NCAM2: variants seen among roughly 807,000 people sequenced by gnomAD.
NCAM2 encodes N-CAM-2.
A neutral mutation model predicts 98.1 loss-of-function variants in NCAM2; 30 were observed. That is an observed-to-expected ratio of 0.31 (90% confidence interval 0.23 to 0.41). The LOEUF (loss-of-function observed/expected upper bound fraction) is 0.41. Among genes scored for constraint, NCAM2 ranks in the 10% least tolerant of loss-of-function variants. The pLI is 1.00. For synonymous variants in NCAM2, 368 were observed against 342.4 expected (o/e 1.07, Z -0.83); for missense variants, 867 against 1,005.8 (o/e 0.86, Z 1.87).
At chr21:21,076,674 G>C (rs1401348290) in intron 1 of NCAM2, among the ~76,000 whole-genome samples, 1 of 152,084 alleles carries the variant, frequency 6.6e-6, no homozygotes, top group African/African-American at 2.4e-5. Context: ...ACGAAGTTTA[G>C]TTTGTAGCAT....
chr21:21,017,047 A>T (rs909276520), intron 1 of NCAM2, among the ~76,000 whole-genome samples: 1 of 152,178 alleles, frequency 6.6e-6, no homozygotes, highest in African/African-American at 2.4e-5. Context: ...TCTTTTCAAG[A>T]GTATGTAGGA....
intron 1 of NCAM2, among the ~76,000 whole-genome samples, chr21:21,007,525 G>T (rs753800890): frequency 3.9e-5 from 6 of 152,164 alleles, no homozygotes; most frequent in Non-Finnish European, 8.8e-5. Context: ...GATCATTCAT[G>T]AATTTTCTGG....
chr21:21,525,218 G>A (rs1465141131), intron 16 of NCAM2, among the ~76,000 whole-genome samples: 1 of 151,922 alleles, frequency 6.6e-6, no homozygotes, highest in Non-Finnish European at 1.5e-5. Flanking sequence ...ACTGAAAGCT[G>A]GTTCTTTTAA....
intron 12 of NCAM2, among the ~76,000 whole-genome samples, chr21:21,461,000 G>A (rs1982893550): frequency 1.3e-5 from 2 of 151,756 alleles, no homozygotes; most frequent in African/African-American, 2.4e-5. Flanking sequence ...AGGGAAGTTA[G>A]CAATTTTGTG....
chr21:21,303,059 G>A (rs765153015), intron 5 of NCAM2, among the ~76,000 whole-genome samples: 20 of 152,078 alleles, frequency 1.3e-4, no homozygotes, highest in Non-Finnish European at 1.6e-4. Context: ...GAACACACAT[G>A]AACCTCCGCA....
intron 12 of NCAM2, among the ~76,000 whole-genome samples, chr21:21,438,700 C>T (rs928457687): frequency 6.6e-6 from 1 of 152,134 alleles, no homozygotes; most frequent in Non-Finnish European, 1.5e-5. Context: ...ATACACCTCA[C>T]TGGCCACTTA....
At chr21:21,349,877 T>A (rs776218570) in intron 8 of NCAM2, among the ~76,000 whole-genome samples, 7 of 152,062 alleles carry the variant, frequency 4.6e-5, no homozygotes, top group Non-Finnish European at 7.4e-5. Context: ...TCAAAACAAT[T>A]GAACTCAAGG....
chr21:21,075,335 A>AT (rs1048253844), intron 1 of NCAM2, among the ~76,000 whole-genome samples: 4 of 152,258 alleles, frequency 2.6e-5, no homozygotes, highest in East Asian at 1.9e-4. Flanking sequence ...TTAAAGTATA[A>AT]TTTTTTTAAA....
intron 1 of NCAM2, among the ~76,000 whole-genome samples, chr21:21,014,914 G>A (rs925183971): frequency 1.3e-5 from 2 of 152,164 alleles, no homozygotes; most frequent in Non-Finnish European, 2.9e-5. Context: ...GTTATTCCTC[G>A]TATTTCTCCA....
intron 1 of NCAM2, among the ~76,000 whole-genome samples, chr21:21,120,368 T>C (rs1449300463): frequency 2.0e-5 from 3 of 152,266 alleles, no homozygotes; most frequent in East Asian, 3.9e-4. Context: ...AATCAAGTGA[T>C]TTTCAATGAA....
intron 1 of NCAM2, among the ~76,000 whole-genome samples, chr21:21,178,502 C>T (rs2068366617): frequency 6.6e-6 from 1 of 151,886 alleles, no homozygotes; most frequent in Admixed American, 6.6e-5. Context: ...GATTATTTTT[C>T]CAGAGAAGCA....
intron 7 of NCAM2, 124 bp from the exon 8 acceptor site, chr21:21,338,265 G>A (rs936381313): frequency 2.1e-5 from 19 of 913,598 alleles, no homozygotes; most frequent in Admixed American, 1.3e-4. Context: ...GCAGGCCACT[G>A]TAATTCTACA....
chr21:21,476,120 T>C (rs1407773420), intron 14 of NCAM2, among the ~76,000 whole-genome samples: 2 of 152,088 alleles, frequency 1.3e-5, no homozygotes, highest in South Asian at 2.1e-4. Context: ...CAGTGTTAAA[T>C]TGTGGCTCAA....
chr21:21,369,731 T>C (rs1256200925), intron 8 of NCAM2, among the ~76,000 whole-genome samples: 1 of 151,796 alleles, frequency 6.6e-6, no homozygotes, highest in Admixed American at 6.6e-5. Context: ...ATCTTATTGG[T>C]CTTTCTTTTG....
chr21:21,258,431 C>A (rs909831999), intron 1 of NCAM2, among the ~76,000 whole-genome samples: 43 of 152,102 alleles, frequency 2.8e-4, no homozygotes, highest in African/African-American at 9.4e-4. Flanking sequence ...GTGAAAAAAA[C>A]AAAAGCAGAG....
intron 8 of NCAM2, among the ~76,000 whole-genome samples, chr21:21,357,622 C>CT (rs1178369491): frequency 3.3e-5 from 5 of 151,624 alleles, no homozygotes; most frequent in South Asian, 4.1e-4. Context: ...GTATGTAAGT[C>CT]TTTTTTTTAT....
chr21:21,400,436 A>G (rs966532891), intron 9 of NCAM2, among the ~76,000 whole-genome samples: 6 of 152,118 alleles, frequency 3.9e-5, no homozygotes, highest in African/African-American at 1.4e-4. Flanking sequence ...CTTATGGTCT[A>G]TATAGTAATG....
rs540371425 is a variant in NCAM2 at position 21,389,585 on chromosome 21, C to G, written c.1195+15572C>G. On this transcript the variant is annotated intron_variant, in intron 9 of 17. Transcript: ENST00000400546. The stretch of plus-strand genomic sequence containing the variant: ...TTAACCAATCTCTCTTCATTTTTCC[C>G]TGCTCAATATCCTTTCCAGCCTCTG... Among the ~76,000 whole-genome samples the G allele has an allele frequency of 4.6e-4, 70 of 152,256 alleles. 1 individual carries two copies. In the South Asian group the frequency reaches 7.3e-3, roughly 16 times the overall value.
intron 1 of NCAM2, among the ~76,000 whole-genome samples, chr21:21,136,639 T>C (rs1158372109): frequency 1.3e-5 from 1 of 76,870 alleles, no homozygotes; most frequent in South Asian, 3.6e-4. Context: ...TGTTTTTTTT[T>C]TTATTTTTAG....
Sources: gnomAD v4.1 joint callset for allele counts (sites outside exome capture counted in the v4.1 genomes callset) on GRCh38, gnomAD v4.1.1 for gene constraint, MANE v1.5 for transcripts, NCBI Gene and HGNC (gene_info 2026-07-23, HGNC 2026-07-21) for gene names.